ANKAR: variants seen among roughly 807,000 people sequenced by gnomAD.
ANKAR encodes the protein ankyrin and armadillo repeat containing, also known as ankyrin and armadillo repeat-containing protein.
A neutral mutation model predicts 146.2 loss-of-function variants in ANKAR; 136 were observed. The observed-to-expected ratio is 0.93, with a 90% CI of 0.81 to 1.07. The LOEUF (loss-of-function observed/expected upper bound fraction) is 1.07. Ranked by LOEUF, ANKAR falls within the 50% of genes least tolerant of loss-of-function variation. The pLI is 0.00. For missense variants in ANKAR, 1,567 were observed against 1,679.9 expected (o/e 0.93, Z 1.18); for synonymous variants, 500 against 575.8 (o/e 0.87, Z 1.88).
chr2:189,735,003 TA>T (rs1344463453), intron 17 of ANKAR, among the ~76,000 whole-genome samples: 16 of 148,812 alleles, frequency 1.1e-4, no homozygotes, highest in African/African-American at 2.5e-4. Context: ...TACAGTAGAG[TA>T]AAAAAAAATA....
downstream of ANKAR, chr2:189,747,094 T>C (rs1433704158): frequency 6.5e-6 from 1 of 153,392 alleles, no homozygotes; most frequent in African/African-American, 2.4e-5. Context: ...CCAGCACTTC[T>C]GGAGGCCAAG....
At chr2:189,687,784 C>A (rs117995838) in intron 2 of ANKAR, among the ~76,000 whole-genome samples, 3 of 152,120 alleles carry the variant, frequency 2.0e-5, no homozygotes, top group Non-Finnish European at 4.4e-5. Flanking sequence ...CTATTCAGAT[C>A]TTTTGCCTAT....
chr2:189,696,430 G>A, intron 7 of ANKAR, 61 bp downstream of exon 7: 1 of 1,494,552 alleles, frequency 6.7e-7, no homozygotes, highest in Non-Finnish European at 9.1e-7. Flanking sequence ...TCAGCATTAG[G>A]AATGCACGTT....
chr2:189,740,687 A>G (rs566290118), intron 19 of ANKAR, among the ~76,000 whole-genome samples: 12 of 108,802 alleles, frequency 1.1e-4, no homozygotes, highest in African/African-American at 4.3e-4. Context: ...AACCGCAAAA[A>G]GGACATATTA....
chr2:189,728,452 T>C lies in ANKAR; in HGVS notation c.3031+32T>C. 1.9e-6 allele frequency: 3 copies of C among 1,566,348 alleles called. No individual in the cohort carries two copies. In the African/African-American group the frequency reaches 4.1e-5, roughly 21 times the overall value. ...TATTTTCCTTATTTTATTTTTATTT[T>C]TTAGAGACAGGATCTTGCTCTGTTG... On this transcript the variant is annotated intron_variant, in intron 14 of 22. Coordinates refer to ENST00000684021, the MANE Select transcript of ANKAR (RefSeq NM_001378068.1).
chr2:189,746,345 C>G lies in ANKAR; in HGVS notation c.4058-35C>G, dbSNP rs749366406. ...AAGTAATGAGACTATACCTAGGGCT[C>G]TCAGGAGAGACATTTAATTGTGGCT... On this transcript the variant is annotated intron_variant, in intron 22 of 22. Coordinates refer to ENST00000684021, the MANE Select transcript of ANKAR (RefSeq NM_001378068.1). 1.5e-5 allele frequency: 23 copies of G among 1,570,752 alleles called. No individual in the cohort carries two copies. The East Asian group carries it at 5.2e-4, about 35-fold the overall frequency.
chr2:189,676,691 C>T lies in ANKAR; in HGVS notation c.201C>T (p.Leu67=), dbSNP rs2105715217. ...AKEDVRSQVD[L]PCGIMSQMNN... Reference sequence around the variant, plus strand: ...AGGATGTGCGCTCTCAAGTAGACCTCCCATGTGGAATTATGAGTCAAATGA... The same window carrying T: ...AGGATGTGCGCTCTCAAGTAGACCTTCCATGTGGAATTATGAGTCAAATGA... Residue 67 remains leucine, a synonymous_variant, in exon 2 of 23, where the codon CTC becomes CTT. Coordinates refer to ENST00000684021, the MANE Select transcript of ANKAR (RefSeq NM_001378068.1). 1 of 1,614,138 alleles carries T rather than the reference C, an allele frequency of 6.2e-7. No homozygotes were observed. Among genetic ancestry groups the T allele is most frequent in the African/African-American group, 1.3e-5 (1 of 75,010 alleles).
intron 16 of ANKAR, among the ~76,000 whole-genome samples, chr2:189,731,490 C>T (rs376525477): frequency 2.0e-5 from 3 of 150,508 alleles, no homozygotes; most frequent in African/African-American, 7.3e-5. Context: ...TCTCCTGCCT[C>T]GGCCTCCTGA....
chr2:189,744,880 G>A lies in ANKAR; in HGVS notation c.4057+92G>A, dbSNP rs148123476. On this transcript the variant is annotated intron_variant, in intron 22 of 22. Coordinates refer to ENST00000684021, the MANE Select transcript of ANKAR (RefSeq NM_001378068.1). ...TCTCTAAAAATTCAAAATGTAGGCC[G>A]GGCACAGTGGCTCATGCCTGTAATC... 3,821 of 983,848 alleles carry A rather than the reference G, an allele frequency of 3.9e-3. 96 individuals are homozygous for A. The African/African-American group carries it at 0.055, about 14-fold the overall frequency. The allele number at this position is 983,848 out of a possible 1,614,324, so 60.9% of individuals were successfully genotyped here.
Position 189,743,407 on chromosome 2 carries a change from A to G in ANKAR, c.3943A>G (p.Ser1315Gly), listed in dbSNP as rs2043646229. Reference sequence around the variant, plus strand: ...AAAAAATAATATCAGCAGAGATGCAAGTATTAACCCAGCATTTTTAAAGGA... The same window carrying G: ...AAAAAATAATATCAGCAGAGATGCAGGTATTAACCCAGCATTTTTAAAGGA... The part of the protein sequence containing the change: ...RIKNNISRDA[S>G]INPAFLKEFQ... Residue 1315 changes from serine (S) to glycine (G), a missense_variant, in exon 21 of 23, where the codon AGT (serine) becomes GGT (glycine). Transcript: ENST00000684021. 2 of 1,614,026 alleles carry G rather than the reference A, an allele frequency of 1.2e-6. No homozygotes were observed. The highest frequency in any genetic ancestry group is 1.7e-6 in the Non-Finnish European group (2 of 1,179,932).
chr2:189,680,279 G>A (rs548430941), intron 2 of ANKAR, among the ~76,000 whole-genome samples: 3 of 152,070 alleles, frequency 2.0e-5, no homozygotes, highest in South Asian at 4.1e-4. Flanking sequence ...TTGTGGTATC[G>A]GTTATAATGA....
rs1402944355 is a variant in ANKAR at position 189,689,790 on chromosome 2, C to T, written c.865C>T (p.Gln289Ter). The T allele has an allele frequency of 3.7e-6, 6 of 1,607,760 alleles. No homozygotes were observed. Among genetic ancestry groups the T allele is most frequent in the Non-Finnish European group, 5.1e-6 (6 of 1,177,712 alleles). Residue 289 changes from glutamine (Q) to a stop codon, truncating the protein, a stop_gained, in exon 3 of 23, where the codon CAG (glutamine) becomes TAG (stop). Transcript: ENST00000684021. LOFTEE classifies it high-confidence loss of function. The part of the protein sequence containing the change: ...YLDICTYQRL[Q>*]QRLYLQKKII... Reference sequence around the variant, plus strand: ...TGATATCTGTACCTACCAGAGACTACAGCAAAGATTATATCTTCAAAAAAA... The same window carrying T: ...TGATATCTGTACCTACCAGAGACTATAGCAAAGATTATATCTTCAAAAAAA...
intron 5 of ANKAR, among the ~76,000 whole-genome samples, chr2:189,694,134 G>A (rs1014702140): frequency 1.3e-5 from 2 of 152,110 alleles, no homozygotes; most frequent in African/African-American, 2.4e-5. Flanking sequence ...GGAGGCTGAG[G>A]TGGGAGGATC....
intron 18 of ANKAR, among the ~76,000 whole-genome samples, chr2:189,757,607 G>C (rs2046272282): frequency 6.6e-6 from 1 of 152,204 alleles, no homozygotes; most frequent in Admixed American, 6.5e-5. Context: ...AAAAAACTGT[G>C]CACAGTATCA....
chr2:189,760,715 C>T (rs2046918195), intron 18 of ANKAR, among the ~76,000 whole-genome samples: 1 of 151,614 alleles, frequency 6.6e-6, no homozygotes, highest in Admixed American at 6.6e-5. Context: ...CGTTTGAACT[C>T]GAGAGGCGGA....
intron 10 of ANKAR, among the ~76,000 whole-genome samples, chr2:189,716,956 C>T (rs568119359): frequency 6.6e-6 from 1 of 152,272 alleles, no homozygotes; most frequent in South Asian, 2.1e-4. Flanking sequence ...GGATTAAAGA[C>T]TTAAATGTTA....
downstream of ANKAR, chr2:189,762,611 C>G (rs936540912): frequency 2.0e-6 from 2 of 985,448 alleles, no homozygotes; most frequent in South Asian, 9.4e-5. Flanking sequence ...AAGGCGGCGA[C>G]GGGCGCAAAC....
chr2:189,706,555 G>A (rs761327047), intron 8 of ANKAR, among the ~76,000 whole-genome samples: 1 of 152,160 alleles, frequency 6.6e-6, no homozygotes, highest in Non-Finnish European at 1.5e-5. Flanking sequence ...TGGACATGAA[G>A]TAATGGGTGT....
At chr2:189,717,365 T>G (rs2040603020) in intron 10 of ANKAR, among the ~76,000 whole-genome samples, 1 of 151,978 alleles carries the variant, frequency 6.6e-6, no homozygotes, top group Non-Finnish European at 1.5e-5. Flanking sequence ...ATCAGAGAAA[T>G]GCAAATCAAA....
Sources: allele counts gnomAD v4.1 joint callset (sites outside exome capture counted in the v4.1 genomes callset), GRCh38; gene constraint gnomAD v4.1.1; transcripts MANE v1.5; gene names NCBI Gene and HGNC (gene_info 2026-07-23, HGNC 2026-07-21).